The following TAPT1 variants were observed in gnomAD, a reference collection of about 807,000 sequenced individuals.
The protein encoded by TAPT1 is transmembrane anterior posterior transformation protein 1 homolog.
TAPT1 carries 28 observed loss-of-function variants against 65.6 expected under a neutral mutation model. The observed-to-expected ratio is 0.43, with a 90% CI of 0.32 to 0.59. The LOEUF (loss-of-function observed/expected upper bound fraction) is 0.59. TAPT1 is among the 20% of genes least tolerant of loss of function. The pLI is 0.09. For missense variants in TAPT1, 563 were observed against 679.9 expected, an observed-to-expected ratio of 0.83 and a Z score of 1.91; for synonymous variants, 278 against 245.2, an observed-to-expected ratio of 1.13 and a Z score of -1.25.
chr4:16,176,192 AC>A lies in TAPT1; in HGVS notation c.1033del (p.Val345Ter). The A allele has an allele frequency of 6.4e-7, 1 of 1,574,764 alleles. No homozygotes were observed. Among genetic ancestry groups the A allele is most frequent in the Non-Finnish European group, 8.6e-7 (1 of 1,159,688 alleles). ...ATCCACGGCAATTTCTGATGCAATT[AC>A]CATACAGACATCTGGAAACAACACC... Reference protein sequence around the residue: ...LWVLFPDVCMVIASEIAVDIV... With the variant: ...LWVLFPDVCMXIASEIAVDIV... On this transcript the variant is annotated frameshift_variant, in exon 9 of 14. Coordinates refer to ENST00000405303, the MANE Select transcript of TAPT1 (RefSeq NM_153365.3). LOFTEE classifies it high-confidence loss of function.
rs887959728 is a variant in TAPT1 at position 16,161,728 on chromosome 4, T to C, written c.*1580A>G. 6.6e-6 allele frequency: 1 copy of C among 152,262 alleles called. No homozygotes were observed. The highest frequency in any genetic ancestry group is 2.4e-5 in the African/African-American group (1 of 41,472). The allele number at this position is 152,262 out of a possible 1,614,324, so 9.4% of individuals were successfully genotyped here. ...CTCAACATTAATCTTCAGATTTCTT[T>C]AGTTAATGCAAAACATTAAAATTCA... On this transcript the variant is annotated 3_prime_UTR_variant, in exon 14 of 14. Coordinates refer to ENST00000405303, the MANE Select transcript of TAPT1 (RefSeq NM_153365.3).
At chr4:16,174,461 A>T in intron 10 of TAPT1, 189 bp from the exon 11 acceptor site, 1 of 678,762 alleles carries the variant, frequency 1.5e-6, no homozygotes, top group Non-Finnish European at 2.5e-6. Flanking sequence ...TGAATAACTT[A>T]AAATGCTGCA....
In TAPT1 at chr4:16,162,472, A is replaced by C. The variant is rs1382412533; in HGVS notation, c.*836T>G. Reference sequence around the variant, plus strand: ...CGAATCCTTTTAGCTGTAATAATTTATGAAGTAATTAGTTTTAAAGCAAAA... The same window carrying C: ...CGAATCCTTTTAGCTGTAATAATTTCTGAAGTAATTAGTTTTAAAGCAAAA... On this transcript the variant is annotated 3_prime_UTR_variant, in exon 14 of 14. Transcript: ENST00000405303. 6.5e-6 allele frequency: 1 copy of C among 152,826 alleles called. No homozygotes were observed. The highest frequency in any genetic ancestry group is 2.4e-5 in the African/African-American group (1 of 41,454). The allele number at this position is 152,826 out of a possible 1,614,324, so 9.5% of individuals were successfully genotyped here. A position where few individuals can be genotyped will look rare whatever the true frequency, so the allele number is the denominator to read the frequency against.
chr4:16,197,381 G>C (rs903798554), intron 3 of TAPT1, among the ~76,000 whole-genome samples: 8 of 152,168 alleles, frequency 5.3e-5, no homozygotes, highest in African/African-American at 1.9e-4. Context: ...TTTCAGTAAA[G>C]TTTTTTCAAC....
At chr4:16,212,278 G>C (rs1463353663) in intron 2 of TAPT1, among the ~76,000 whole-genome samples, 1 of 152,154 alleles carries the variant, frequency 6.6e-6, no homozygotes, top group Non-Finnish European at 1.5e-5. Flanking sequence ...AGAGGGCTGA[G>C]GCCAGGTGGG....
At chr4:16,202,926 C>T (rs1447856638) in intron 2 of TAPT1, among the ~76,000 whole-genome samples, 1 of 152,120 alleles carries the variant, frequency 6.6e-6, no homozygotes, top group African/African-American at 2.4e-5. Flanking sequence ...TAGAATGCTT[C>T]ATTGATGGGA....
Position 16,170,641 on chromosome 4 carries a change from G to T in TAPT1, c.1313+12C>A, listed in dbSNP as rs1193073365. ...ACTGTATAGCCAAAAACATATTCAAGAATAATCTTACCCAAAATAGAAGAG... is the reference window on the plus strand; with the variant it reads ...ACTGTATAGCCAAAAACATATTCAATAATAATCTTACCCAAAATAGAAGAG... On this transcript the variant is annotated intron_variant, in intron 12 of 13. Coordinates refer to ENST00000405303, the MANE Select transcript of TAPT1 (RefSeq NM_153365.3). 9 of 1,601,280 alleles carry T rather than the reference G, an allele frequency of 5.6e-6. No homozygotes were observed. In the African/African-American group the frequency reaches 8.0e-5, roughly 14 times the overall value.
At chr4:16,182,795 A>C (rs1748786359) in intron 7 of TAPT1, 1 of 152,226 alleles carries the variant, frequency 6.6e-6, no homozygotes, top group African/African-American at 2.4e-5. Context: ...AGAAAAGGAT[A>C]ATTTGTTAAA....
intron 3 of TAPT1, among the ~76,000 whole-genome samples, chr4:16,192,929 C>T (rs1279284331): frequency 6.6e-6 from 1 of 152,204 alleles, no homozygotes; most frequent in Admixed American, 6.5e-5. Context: ...GAGCTCTTTC[C>T]TAATGCTTTT....
At chr4:16,178,341 T>C (rs995154025) in intron 8 of TAPT1, among the ~76,000 whole-genome samples, 1 of 152,200 alleles carries the variant, frequency 6.6e-6, no homozygotes, top group African/African-American at 2.4e-5. Context: ...GTATCTCTCA[T>C]TTTATATGTT....
chr4:16,177,700 A>G (rs1159749646), intron 8 of TAPT1, among the ~76,000 whole-genome samples: 1 of 152,180 alleles, frequency 6.6e-6, no homozygotes, highest in Non-Finnish European at 1.5e-5. Flanking sequence ...TTATTATGAG[A>G]ACTAAATGAG....
chr4:16,173,925 G>A (rs1748164448), intron 11 of TAPT1, among the ~76,000 whole-genome samples: 2 of 152,220 alleles, frequency 1.3e-5, no homozygotes, highest in African/African-American at 2.4e-5. Context: ...ATTAAAAAAT[G>A]TTTTTTACTA....
Position 16,173,306 on chromosome 4 carries a change from A to G in TAPT1, c.1236+898T>C, listed in dbSNP as rs567346179. Among the ~76,000 whole-genome samples the G allele has an allele frequency of 6.6e-5, 10 of 152,354 alleles. No individual in the cohort carries two copies. In the East Asian group the frequency reaches 1.9e-3, roughly 29 times the overall value. ...CATTATTATAGCCTAACCTGGCTAG[A>G]AACTATTTGCAAGCCTGTTGTGGGC... On this transcript the variant is annotated intron_variant, in intron 11 of 13. Coordinates refer to ENST00000405303, the MANE Select transcript of TAPT1 (RefSeq NM_153365.3).
At chr4:16,204,676 T>C (rs902270839) in intron 2 of TAPT1, among the ~76,000 whole-genome samples, 4 of 152,252 alleles carry the variant, frequency 2.6e-5, no homozygotes, top group Non-Finnish European at 4.4e-5. Context: ...GGTGCTGGGC[T>C]TGGGCCCTGC....
At chr4:16,191,030 G>C (rs953957182) in intron 4 of TAPT1, 11 of 214,486 alleles carry the variant, frequency 5.1e-5, no homozygotes, top group Admixed American at 4.9e-4. Context: ...GATACTCAAG[G>C]GGGTACTGGT....
intron 1 of TAPT1, among the ~76,000 whole-genome samples, chr4:16,214,163 G>C (rs530075306): frequency 3.9e-4 from 60 of 152,284 alleles, no homozygotes; most frequent in African/African-American, 1.4e-3. Context: ...TATTTTTCAA[G>C]AGCTCAGTCT....
At chr4:16,174,048 C>A (rs548290333) in intron 11 of TAPT1, among the ~76,000 whole-genome samples, 156 bp downstream of exon 11, 2 of 152,304 alleles carry the variant, frequency 1.3e-5, no homozygotes, top group East Asian at 3.9e-4. Context: ...GATATATAAG[C>A]TACTGCTATA....
At chr4:16,179,692 GT>G (rs1560159708) in intron 7 of TAPT1, 35 bp from the exon 8 acceptor site, 1 of 1,106,586 alleles carries the variant, frequency 9.0e-7, no homozygotes, top group Non-Finnish European at 1.3e-6. Context: ...GTACTGTAGT[GT>G]ATATAAACAA....
intron 8 of TAPT1, among the ~76,000 whole-genome samples, chr4:16,178,375 A>C (rs2149678925): frequency 6.6e-6 from 1 of 152,344 alleles, no homozygotes; most frequent in South Asian, 2.1e-4. Context: ...AGTTACTTGA[A>C]AATTACCAAT....
Sources: gnomAD v4.1 joint callset for allele counts (sites outside exome capture counted in the v4.1 genomes callset) on GRCh38, gnomAD v4.1.1 for gene constraint, MANE v1.5 for transcripts, NCBI Gene and HGNC (gene_info 2026-07-23, HGNC 2026-07-21) for gene names.